RBFOX1: variants seen among roughly 807,000 people sequenced by gnomAD.
RBFOX1 encodes the protein RNA binding protein fox-1 homolog 1.
Under a neutral mutation model 57.7 loss-of-function variants are expected in RBFOX1, and 8 were observed. That is an observed-to-expected ratio of 0.14 (90% CI 0.08 to 0.25). The LOEUF (loss-of-function observed/expected upper bound fraction) is 0.25, where lower values mean the gene tolerates loss of function less well. Among genes scored for constraint, RBFOX1 ranks in the 10% least tolerant of loss-of-function variants. The probability of loss-of-function intolerance (pLI) is 1.00; values close to 1 mark genes in which losing one functional copy is unlikely to be tolerated. For synonymous variants in RBFOX1, 326 were observed against 222.4 expected (o/e 1.47, Z -4.15); for missense variants, 611 against 548.5 (o/e 1.11, Z -1.14).
chr16:6,936,083 T>C (rs957031899), intron 3 of RBFOX1, among the ~76,000 whole-genome samples: 1 of 152,210 alleles, frequency 6.6e-6, no homozygotes, highest in East Asian at 1.9e-4. Flanking sequence ...TGCGGGCATT[T>C]CCTTAGATCT....
At chr16:7,094,357 G>GC (rs1318300956) in intron 4 of RBFOX1, among the ~76,000 whole-genome samples, 1 of 151,986 alleles carries the variant, frequency 6.6e-6, no homozygotes, top group Non-Finnish European at 1.5e-5. Context: ...AGAGAGCTTT[G>GC]CCCATTGTCT....
At chr16:6,316,796 G>C (rs916841235) in intron 1 of RBFOX1, among the ~76,000 whole-genome samples, 199 bp from the exon 2 acceptor site, 2 of 152,100 alleles carry the variant, frequency 1.3e-5, no homozygotes. Context: ...TCTTTGCCAG[G>C]ATCTGAGAGG....
chr16:5,813,323 T>C (rs575168709), intron 3 of RBFOX1, among the ~76,000 whole-genome samples: 6 of 152,312 alleles, frequency 3.9e-5, no homozygotes, highest in African/African-American at 1.2e-4. Context: ...CCCACAACAT[T>C]GTACAACCAT....
chr16:6,175,175 A>T (rs1023524918), intron 1 of RBFOX1, among the ~76,000 whole-genome samples: 2 of 152,232 alleles, frequency 1.3e-5, no homozygotes, highest in Non-Finnish European at 2.9e-5. Flanking sequence ...TTATATTCAT[A>T]TTCATAAGCA....
chr16:7,094,769 T>TGTGG (rs1555466444), intron 4 of RBFOX1, among the ~76,000 whole-genome samples: 3 of 138,890 alleles, frequency 2.2e-5, no homozygotes, highest in Admixed American at 1.4e-4. Flanking sequence ...TGTGTGTGTG[T>TGTGG]GTGTGTGGGT....
chr16:5,846,435 G>C (rs747523907), intron 3 of RBFOX1, among the ~76,000 whole-genome samples: 4 of 152,132 alleles, frequency 2.6e-5, no homozygotes, highest in Non-Finnish European at 4.4e-5. Context: ...GTGTCTCTGT[G>C]TGATTATTCG....
rs546285203 is a variant in RBFOX1, at chr16:5,778,939, A to T, written c.319-88364A>T. Among the ~76,000 whole-genome samples the T allele has an allele frequency of 3.3e-5, 5 of 152,106 alleles. No homozygotes were observed. The East Asian group carries it at 9.7e-4, about 29-fold the overall frequency. On this transcript the variant is annotated intron_variant, in intron 3 of 19. Coordinates refer to the RBFOX1 transcript ENST00000641259. ...ATGTGTCTGGCATATAAAGCACTCA[A>T]TTTTTTTTATTCATTAAGCCCCTCA... is the stretch of plus-strand genomic sequence containing the variant.
chr16:5,854,603 C>CAT (rs1267049552), intron 3 of RBFOX1, among the ~76,000 whole-genome samples: 3 of 151,840 alleles, frequency 2.0e-5, no homozygotes. Context: ...CACACACACA[C>CAT]ACACATGCAC....
chr16:7,129,828 T>G (rs1228501106), intron 4 of RBFOX1, among the ~76,000 whole-genome samples: 1 of 93,556 alleles, frequency 1.1e-5, no homozygotes, highest in African/African-American at 4.3e-5. Flanking sequence ...GACAGATAGA[T>G]GGATGATGGA....
At chr16:6,614,828 G>C (rs1007989414) in intron 2 of RBFOX1, among the ~76,000 whole-genome samples, 1 of 152,064 alleles carries the variant, frequency 6.6e-6, no homozygotes, top group Non-Finnish European at 1.5e-5. Context: ...CCCTACTCCA[G>C]GGTTACCTCA....
In RBFOX1 at chr16:6,903,336, G is replaced by A. The variant is rs1027845344; in HGVS notation, c.-15-148721G>A. 2.6e-5 allele frequency among the ~76,000 whole-genome samples: 4 copies of A among 152,298 alleles called. 1 individual carries two copies. Among genetic ancestry groups the A allele is most frequent in the African/African-American group, 9.6e-5 (4 of 41,554 alleles). On this transcript the variant is annotated intron_variant, in intron 3 of 15. Transcript: ENST00000550418. ...GCCCTTACAGCCTGGAGTAAGGAAG[G>A]CGGTGCTTATAAAGCAAGAATGATG...
intron 1 of RBFOX1, among the ~76,000 whole-genome samples, chr16:5,294,380 G>C (rs1352854076): frequency 6.6e-6 from 1 of 152,172 alleles, no homozygotes; most frequent in Non-Finnish European, 1.5e-5. Flanking sequence ...GTGCAGCTGT[G>C]GTTGAGAATC....
intron 4 of RBFOX1, among the ~76,000 whole-genome samples, chr16:7,442,460 CT>C (rs2098776036): frequency 6.6e-6 from 1 of 152,038 alleles, no homozygotes; most frequent in African/African-American, 2.4e-5. Flanking sequence ...ATTAGAAGCC[CT>C]GTGTCTCAGG....
intron 3 of RBFOX1, among the ~76,000 whole-genome samples, chr16:6,913,189 A>T (rs1470477384): frequency 6.6e-6 from 1 of 152,090 alleles, no homozygotes; most frequent in African/African-American, 2.4e-5. Flanking sequence ...GTTACTTGAA[A>T]AACATTTTTT....
chr16:6,607,435 T>TCG lies in RBFOX1; in HGVS notation c.-63-47166_-63-47165dup, dbSNP rs769586993. 2.0e-5 allele frequency among the ~76,000 whole-genome samples: 3 copies of TCG among 147,114 alleles called. No homozygotes were observed. The East Asian group carries it at 6.1e-4, about 30-fold the overall frequency. On this transcript the variant is annotated intron_variant, in intron 2 of 15. Coordinates refer to ENST00000550418, the MANE Select transcript of RBFOX1 (RefSeq NM_018723.4). ...TCTCTCTCCTCTCTCTCTCTCTCTCTCGCTCTCTATCTCTCTTCCTCTCTC... is the reference window on the plus strand; with the variant it reads ...TCTCTCTCCTCTCTCTCTCTCTCTCTCGCGCTCTCTATCTCTCTTCCTCTCTC...
chr16:6,469,535 T>C (rs1039186848), intron 2 of RBFOX1, among the ~76,000 whole-genome samples: 3 of 152,032 alleles, frequency 2.0e-5, no homozygotes, highest in African/African-American at 7.2e-5. Context: ...AAATACGGGG[T>C]GAGACGAGAT....
At chr16:6,275,471 C>T (rs1259092026) in intron 1 of RBFOX1, among the ~76,000 whole-genome samples, 2 of 152,140 alleles carry the variant, frequency 1.3e-5, no homozygotes, top group Non-Finnish European at 2.9e-5. Context: ...TCATAACTAC[C>T]CCGTGGAATA....
intron 3 of RBFOX1, among the ~76,000 whole-genome samples, chr16:5,804,588 G>GA (rs2055167604): frequency 1.3e-5 from 2 of 152,264 alleles, no homozygotes; most frequent in East Asian, 3.9e-4. Context: ...GGTGGGAGGT[G>GA]AAGGGGACCT....
intron 2 of RBFOX1, among the ~76,000 whole-genome samples, chr16:6,407,344 T>C (rs2056606789): frequency 6.6e-6 from 1 of 152,168 alleles, no homozygotes; most frequent in Admixed American, 6.6e-5. Context: ...TCTATCTCTA[T>C]ATGTCTATGT....
Sources: allele counts gnomAD v4.1 joint callset (sites outside exome capture counted in the v4.1 genomes callset), GRCh38; gene constraint gnomAD v4.1.1; transcripts MANE v1.5; gene names NCBI Gene and HGNC (gene_info 2026-07-23, HGNC 2026-07-21).